The following BOC variants were observed in gnomAD, a reference collection of about 807,000 sequenced individuals.
BOC encodes the protein brother of CDO.
A neutral mutation model predicts 112.0 loss-of-function variants in BOC; 76 were observed. The ratio of observed to expected loss-of-function variants is 0.68; its 90% CI spans 0.56 to 0.82. The LOEUF is 0.82. Ranked by LOEUF, BOC falls within the 40% of genes least tolerant of loss-of-function variation. The probability of loss-of-function intolerance (pLI) is 0.00; values close to 1 mark genes in which losing one functional copy is unlikely to be tolerated. For missense variants in BOC, 1,309 were observed against 1,511.7 expected (o/e 0.87, Z 2.22); for synonymous variants, 580 against 599.8 (o/e 0.97, Z 0.48).
At chr3:113,235,657 G>T (rs1189330359) in intron 2 of BOC, among the ~76,000 whole-genome samples, 1 of 152,170 alleles carries the variant, frequency 6.6e-6, no homozygotes, top group Non-Finnish European at 1.5e-5. Flanking sequence ...CTAGTGTTGG[G>T]TAGAGATGGA....
intron 4 of BOC, chr3:113,262,059 G>A (rs1378937755): frequency 6.6e-6 from 1 of 152,104 alleles, no homozygotes; most frequent in Admixed American, 6.5e-5. Flanking sequence ...ATCAGAAAGT[G>A]TGTTTGAGAA....
In BOC at chr3:113,278,576, C is replaced by T; in HGVS notation, c.1706-97C>T. ...CGGATGCTTATTTGCATCACTTTGT[C>T]ATGCCGCTTAGCAGAGTCTCAGGCA... On this transcript the variant is annotated intron_variant, in intron 10 of 19. Coordinates refer to ENST00000682979, the MANE Select transcript of BOC (RefSeq NM_001378074.1). This position sits in a 1 kb window ranked among gnomAD's most constrained non-coding sequence, Gnocchi z 4.2. 9.1e-7 allele frequency: 1 copy of T among 1,096,038 alleles called. No homozygotes were observed. Among genetic ancestry groups the T allele is most frequent in the South Asian group, 1.4e-5 (1 of 70,316 alleles). The allele number at this position is 1,096,038 out of a possible 1,614,324, so 67.9% of individuals were successfully genotyped here.
chr3:113,232,795 A>G (rs1461513600), intron 2 of BOC, among the ~76,000 whole-genome samples: 1 of 152,214 alleles, frequency 6.6e-6, no homozygotes, highest in African/African-American at 2.4e-5. Context: ...GGAGTTATTC[A>G]GATTTATTAA....
rs1941328377 is a variant in BOC, at chr3:113,224,568, GT to G, written c.-82+8295del. 2.1e-4 allele frequency among the ~76,000 whole-genome samples: 32 copies of G among 151,990 alleles called. No homozygotes were observed. The South Asian group carries it at 6.7e-3, about 32-fold the overall frequency. Reference sequence around the variant, plus strand: ...GGAAAGTGCATGTGAATTGGAGGGGGTGGGGGTGGGGGGTCACGTGGACCAT... The same window carrying G: ...GGAAAGTGCATGTGAATTGGAGGGGGGGGGGTGGGGGGTCACGTGGACCAT... On this transcript the variant is annotated intron_variant, in intron 2 of 19. Coordinates refer to ENST00000682979, the MANE Select transcript of BOC (RefSeq NM_001378074.1).
At chr3:113,224,552 A>G in intron 2 of BOC, among the ~76,000 whole-genome samples, 1 of 129,968 alleles carries the variant, frequency 7.7e-6, no homozygotes, top group African/African-American at 2.9e-5. Flanking sequence ...AGGAAAGTGC[A>G]TGTGAATTGG....
chr3:113,236,636 A>G (rs1943604697), intron 2 of BOC, among the ~76,000 whole-genome samples: 2 of 152,106 alleles, frequency 1.3e-5, no homozygotes, highest in African/African-American at 4.8e-5. Context: ...TTTGTTATCC[A>G]TGTAACAAAA....
chr3:113,278,054 G>C lies in BOC; in HGVS notation c.1543-41G>C. Reference sequence around the variant, plus strand: ...GTAAACCATAGCCCACTCGTAGCCCGAGGCTGAGATGCCGGTCTTTATACC... The same window carrying C: ...GTAAACCATAGCCCACTCGTAGCCCCAGGCTGAGATGCCGGTCTTTATACC... On this transcript the variant is annotated intron_variant, in intron 9 of 19. Transcript: ENST00000682979. The surrounding 1 kb of genome is among the most constrained non-coding windows in gnomAD (Gnocchi z 4.2). 6.2e-7 allele frequency: 1 copy of C among 1,610,940 alleles called. No individual in the cohort carries two copies.
At chr3:113,228,049 C>A (rs534675375) in intron 2 of BOC, among the ~76,000 whole-genome samples, 1 of 152,092 alleles carries the variant, frequency 6.6e-6, no homozygotes, top group African/African-American at 2.4e-5. Flanking sequence ...GTTTGATTTG[C>A]GATTGTTCCC....
At chr3:113,235,347 T>C (rs947526772) in intron 2 of BOC, among the ~76,000 whole-genome samples, 3 of 152,196 alleles carry the variant, frequency 2.0e-5, no homozygotes, top group Admixed American at 6.5e-5. Flanking sequence ...ACAGGTGGTT[T>C]TGTTGTGGCT....
intron 9 of BOC, among the ~76,000 whole-genome samples, chr3:113,277,822 A>G (rs992016573): frequency 6.6e-6 from 1 of 152,236 alleles, no homozygotes; most frequent in Non-Finnish European, 1.5e-5. Flanking sequence ...GTTCTCAGCA[A>G]TATCAGTCAG....
In BOC at chr3:113,279,930, C is replaced by T. The variant is rs746153045; in HGVS notation, c.2130C>T (p.Tyr710=). Reference sequence around the variant, plus strand: ...TGTCGGGCTACAGCGGTCGCGTGTACGAGAGGCCCGTGGCAGGTCCTTATA... The same window carrying T: ...TGTCGGGCTACAGCGGTCGCGTGTATGAGAGGCCCGTGGCAGGTCCTTATA... ...YVVSGYSGRV[Y]ERPVAGPYIT... The change falls in exon 13 of 20, where the codon TAC becomes TAT. Residue 710 remains tyrosine, a synonymous_variant. Transcript: ENST00000682979. 10 of 1,613,952 alleles carry T rather than the reference C, an allele frequency of 6.2e-6. No homozygotes were observed. Among genetic ancestry groups the T allele is most frequent in the East Asian group, 4.5e-5 (2 of 44,860 alleles).
At chr3:113,210,984 G>C (rs76538338), upstream of BOC, 4,826 of 152,244 alleles carry the variant, frequency 0.032, 137 homozygotes, top group East Asian at 0.12. Context: ...GTCAATGGAC[G>C]ACGCGGCAAA....
rs756607566 is a variant in BOC, at chr3:113,281,196, C to A, written c.2434+43C>A. On this transcript the variant is annotated intron_variant, in intron 15 of 19. Transcript: ENST00000682979. ...CTCTCTCCTGTCTTGGTGTTTCCAG[C>A]GAGGGAAGGCAGAGTCACCATTCCC... is the stretch of plus-strand genomic sequence containing the variant. 1.5e-5 allele frequency: 24 copies of A among 1,604,950 alleles called. No individual in the cohort carries two copies. The Admixed American group carries it at 3.4e-4, about 22-fold the overall frequency.
chr3:113,270,854 G>A lies in BOC; in HGVS notation c.577G>A (p.Glu193Lys), dbSNP rs1232892592. Reference protein sequence around the residue: ...GNLQIVNASQEDEGMYKCAAY... With the variant: ...GNLQIVNASQKDEGMYKCAAY... ...CCTCCAGATTGTGAATGCCAGCCAGGAGGACGAGGGCATGTACAAGTGTGC... is the reference window on the plus strand; with the variant it reads ...CCTCCAGATTGTGAATGCCAGCCAGAAGGACGAGGGCATGTACAAGTGTGC... The change falls in exon 6 of 20, where the codon GAG (glutamate) becomes AAG (lysine). Residue 193 changes from glutamate to lysine, a missense_variant. Glu to Lys is a moderately conservative substitution (Grantham distance 56). Transcript: ENST00000682979. 1.2e-6 allele frequency: 2 copies of A among 1,614,128 alleles called. No individual in the cohort carries two copies. Among genetic ancestry groups the A allele is most frequent in the South Asian group, 2.2e-5 (2 of 91,070 alleles).
At chr3:113,241,594 G>A (rs911067845) in intron 2 of BOC, among the ~76,000 whole-genome samples, 3 of 152,194 alleles carry the variant, frequency 2.0e-5, no homozygotes, top group Admixed American at 6.5e-5. Flanking sequence ...GAAAAAAGGA[G>A]GAAAAACAGA....
intron 2 of BOC, among the ~76,000 whole-genome samples, chr3:113,237,911 T>C (rs1943781917): frequency 6.6e-6 from 1 of 152,208 alleles, no homozygotes; most frequent in Non-Finnish European, 1.5e-5. Context: ...TGCCAAGGCT[T>C]TTCTAGGTGC....
intron 2 of BOC, among the ~76,000 whole-genome samples, chr3:113,231,372 A>G (rs1942589643): frequency 1.3e-5 from 2 of 152,226 alleles, no homozygotes; most frequent in African/African-American, 4.8e-5. Flanking sequence ...ACTACACACC[A>G]CATATTCATA....
intron 2 of BOC, among the ~76,000 whole-genome samples, chr3:113,228,554 C>T (rs1405009830): frequency 6.6e-6 from 1 of 152,142 alleles, no homozygotes; most frequent in Non-Finnish European, 1.5e-5. Flanking sequence ...CTGCAAGCTG[C>T]CTGCACTACC....
At chr3:113,231,456 T>C (rs1021062547) in intron 2 of BOC, among the ~76,000 whole-genome samples, 1 of 152,222 alleles carries the variant, frequency 6.6e-6, no homozygotes, top group African/African-American at 2.4e-5. Flanking sequence ...CAGGAACCTC[T>C]TAGGCCAGTA....
Sources: allele counts gnomAD v4.1 joint callset (sites outside exome capture counted in the v4.1 genomes callset), GRCh38; gene constraint gnomAD v4.1.1; non-coding constraint Gnocchi (gnomAD v3.1); transcripts MANE v1.5; gene names NCBI Gene and HGNC (gene_info 2026-07-23, HGNC 2026-07-21).